The following PEMT variants were observed in gnomAD, a reference collection of about 807,000 sequenced individuals.
PEMT encodes the protein phospholipid methyltransferase.
A neutral mutation model predicts 27.4 loss-of-function variants in PEMT; 23 were observed. The ratio of observed to expected loss-of-function variants is 0.84; its 90% CI spans 0.60 to 1.19. PEMT has a LOEUF of 1.19. Among genes scored for constraint, PEMT ranks in the 50% most tolerant of loss-of-function variants. PEMT has a pLI of 0.00. For missense variants in PEMT, 307 were observed against 310.1 expected (o/e 0.99, Z 0.07); for synonymous variants, 137 against 139.1 (o/e 0.98, Z 0.11).
intron 2 of PEMT, among the ~76,000 whole-genome samples, chr17:17,549,351 G>A (rs1909487551): frequency 6.6e-6 from 1 of 152,090 alleles, no homozygotes; most frequent in African/African-American, 2.4e-5. Context: ...CACCACACCT[G>A]GCTAATTTTT....
chr17:17,543,528 A>G (rs1383058992), intron 2 of PEMT, among the ~76,000 whole-genome samples: 1 of 151,696 alleles, frequency 6.6e-6, no homozygotes, highest in Non-Finnish European at 1.5e-5. Context: ...TCATGAAGGC[A>G]TGAAATGCTC....
chr17:17,541,188 G>T (rs149193721), intron 2 of PEMT, among the ~76,000 whole-genome samples: 1 of 152,196 alleles, frequency 6.6e-6, no homozygotes, highest in African/African-American at 2.4e-5. Flanking sequence ...TGAGGTAGGC[G>T]CCAGGCCCAA....
At chr17:17,550,456 G>A (rs916244034) in intron 2 of PEMT, among the ~76,000 whole-genome samples, 10 of 152,098 alleles carry the variant, frequency 6.6e-5, no homozygotes, top group African/African-American at 2.4e-4. Context: ...ACACCTGAAC[G>A]GTCTGCTTCA....
chr17:17,522,214 A>C, intron 3 of PEMT, 66 bp downstream of exon 3: 1 of 1,164,362 alleles, frequency 8.6e-7, no homozygotes, highest in Non-Finnish European at 1.3e-6. Flanking sequence ...GGGATGAGGT[A>C]CCACCAGTAG....
intron 2 of PEMT, among the ~76,000 whole-genome samples, chr17:17,528,419 C>A (rs1318891473): frequency 6.6e-6 from 1 of 152,230 alleles, no homozygotes; most frequent in African/African-American, 2.4e-5. Flanking sequence ...CGTGGGGCTA[C>A]CACCCGAGGA....
intron 2 of PEMT, among the ~76,000 whole-genome samples, chr17:17,527,866 T>A (rs1907793677): frequency 6.6e-6 from 1 of 152,218 alleles, no homozygotes. Flanking sequence ...CAGCCCTTGA[T>A]GGACTCTCAG....
At chr17:17,537,254 G>A (rs1010575478) in intron 2 of PEMT, among the ~76,000 whole-genome samples, 1 of 152,160 alleles carries the variant, frequency 6.6e-6, no homozygotes, top group African/African-American at 2.4e-5. Context: ...AGAGCTCCTC[G>A]AATCCTGCCC....
chr17:17,581,678 T>C (rs1911984816), intron 1 of PEMT, among the ~76,000 whole-genome samples: 2 of 152,206 alleles, frequency 1.3e-5, no homozygotes, highest in Non-Finnish European at 2.9e-5. Context: ...TGGTCAAAGC[T>C]GGAACGTATC....
In PEMT at chr17:17,511,681, G is replaced by A. The variant is rs115244129; in HGVS notation, c.466+828C>T. On this transcript the variant is annotated intron_variant, in intron 4 of 6. Transcript: ENST00000255389. ...CGTGGGCCTTCCCACCCATGACGGA[G>A]AGCGGGCAATGCGGCCAGCTGGACC... is the stretch of plus-strand genomic sequence containing the variant. 5.4e-3 allele frequency among the ~76,000 whole-genome samples: 818 copies of A among 152,334 alleles called. 5 individuals carry two copies. The highest frequency in any genetic ancestry group is 0.019 in the African/African-American group (796 of 41,572).
At chr17:17,511,281 G>A (rs1249837303) in intron 4 of PEMT, among the ~76,000 whole-genome samples, 4 of 152,094 alleles carry the variant, frequency 2.6e-5, no homozygotes, top group Admixed American at 1.3e-4. Context: ...CCTGGCTGCT[G>A]TCCCCCTTCC....
intron 2 of PEMT, among the ~76,000 whole-genome samples, chr17:17,565,489 G>A (rs567686406): frequency 2.0e-5 from 3 of 152,356 alleles, no homozygotes; most frequent in East Asian, 1.9e-4. Flanking sequence ...AGCACTTACC[G>A]TCTCCTATCT....
At position 17,576,992 on chromosome 17, in the gene PEMT, G is replaced by A. The variant is rs935661565; in HGVS notation, c.132C>T (p.Tyr44=). The A allele has an allele frequency of 1.7e-5, 28 of 1,613,902 alleles. No homozygotes were observed. Among genetic ancestry groups the A allele is most frequent in the African/African-American group, 4.0e-5 (3 of 74,928 alleles). ...DFCVMTRLLG[Y]VDPLDPSFVA... is the part of the protein sequence containing the mutation. ...CAAAGCTGGGATCCAGGGGGTCCAC[G>A]TAGCCCAGCAGCCGGGTCATAACGC... The change falls in exon 2 of 7, where the codon TAC becomes TAT. Residue 44 remains tyrosine (Y), a synonymous_variant. Coordinates refer to ENST00000255389, the MANE Select transcript of PEMT (RefSeq NM_148172.3).
intron 2 of PEMT, among the ~76,000 whole-genome samples, chr17:17,532,351 C>G (rs1908161116): frequency 6.6e-6 from 1 of 152,116 alleles, no homozygotes; most frequent in African/African-American, 2.4e-5. Context: ...AGCAAGGCCA[C>G]AAGATACGAT....
chr17:17,527,667 T>C (rs991300964), intron 2 of PEMT, among the ~76,000 whole-genome samples: 1 of 152,214 alleles, frequency 6.6e-6, no homozygotes, highest in African/African-American at 2.4e-5. Flanking sequence ...GCGGTGCTGC[T>C]GTTTGTTTTG....
intron 2 of PEMT, among the ~76,000 whole-genome samples, chr17:17,568,122 G>C (rs1910955953): frequency 6.6e-6 from 1 of 152,106 alleles, no homozygotes; most frequent in African/African-American, 2.4e-5. Context: ...TATGCACTTG[G>C]GGTCCTCCCT....
intron 2 of PEMT, among the ~76,000 whole-genome samples, chr17:17,571,565 C>T (rs538773817): frequency 3.3e-5 from 5 of 152,100 alleles, no homozygotes; most frequent in Non-Finnish European, 5.9e-5. Flanking sequence ...TGAGCAGAAG[C>T]GGGCAGCACC....
intron 2 of PEMT, among the ~76,000 whole-genome samples, chr17:17,558,079 T>C (rs1158755346): frequency 5.3e-5 from 8 of 152,240 alleles, no homozygotes; most frequent in African/African-American, 1.9e-4. Context: ...CAGGAGCGTA[T>C]GCTTACAGTC....
chr17:17,591,833 G>A (rs550716485), upstream of PEMT: 223 of 1,399,280 alleles, frequency 1.6e-4, no homozygotes, highest in Non-Finnish European at 2.0e-4. Flanking sequence ...GAGGAGCCGA[G>A]AACTACAAGT....
intron 2 of PEMT, among the ~76,000 whole-genome samples, chr17:17,557,889 T>C (rs1567722483): frequency 6.6e-6 from 1 of 152,126 alleles, no homozygotes; most frequent in Non-Finnish European, 1.5e-5. Flanking sequence ...TAGGAGGAAA[T>C]GGCATCTCTA....
Sources: gnomAD v4.1 joint callset for allele counts (sites outside exome capture counted in the v4.1 genomes callset) on GRCh38, gnomAD v4.1.1 for gene constraint, MANE v1.5 for transcripts, NCBI Gene and HGNC (gene_info 2026-07-23, HGNC 2026-07-21) for gene names.